The following SLC45A1 variants were observed in gnomAD, a reference collection of about 807,000 sequenced individuals.
SLC45A1 encodes solute carrier family 45 member 1.
A neutral mutation model predicts 57.6 loss-of-function variants in SLC45A1; 28 were observed. The ratio of observed to expected loss-of-function variants is 0.49; its 90% CI spans 0.36 to 0.67. The LOEUF (loss-of-function observed/expected upper bound fraction) is 0.67, where lower values mean the gene tolerates loss of function less well. Among genes scored for constraint, SLC45A1 ranks in the 30% least tolerant of loss-of-function variants. The pLI is 0.00. For synonymous variants in SLC45A1, 459 were observed against 471.5 expected, an observed-to-expected ratio of 0.97 and a Z score of 0.34; for missense variants, 814 against 1,041.5, an observed-to-expected ratio of 0.78 and a Z score of 3.01.
At position 8,330,471 on chromosome 1, in the gene SLC45A1, C is replaced by T; in HGVS notation, c.978C>T (p.Leu326=). 1 of 1,612,498 alleles carries T rather than the reference C, an allele frequency of 6.2e-7. No individual in the cohort carries two copies. The change falls in exon 5 of 9, where the codon CTC becomes CTT. Residue 326 remains leucine, a synonymous_variant. Transcript: ENST00000471889. The surrounding 1 kb of genome is among the most constrained non-coding windows in gnomAD (Gnocchi z 8.4). ...CAGAGGAAGGCCCTGGCGACAGCCT[C>T]CCGTCGCACACGGCCACCAACTTCT... is the stretch of plus-strand genomic sequence containing the variant. ...VLPEEGPGDS[L]PSHTATNFSS... is the part of the protein sequence containing the mutation.
chr1:8,321,091 T>G (rs796816516), intron 1 of SLC45A1, among the ~76,000 whole-genome samples: 14 of 152,314 alleles, frequency 9.2e-5, no homozygotes, highest in African/African-American at 3.4e-4. Context: ...CAGGGGATGC[T>G]AACTGCTGCT....
chr1:8,334,381 G>T (rs531364874), intron 5 of SLC45A1, among the ~76,000 whole-genome samples: 6 of 152,180 alleles, frequency 3.9e-5, no homozygotes, highest in Admixed American at 3.9e-4. Context: ...TATCCAGGGC[G>T]GACCGCACCA....
intron 5 of SLC45A1, 75 bp downstream of exon 5, chr1:8,331,011 G>C: frequency 6.7e-7 from 1 of 1,485,786 alleles, no homozygotes; most frequent in East Asian, 2.3e-5. Flanking sequence ...ACATGACAAA[G>C]AGGGAGAGTC....
intron 1 of SLC45A1, among the ~76,000 whole-genome samples, chr1:8,321,398 C>CCCATCTCTTAGCAAAAAAA (rs2124283091): frequency 6.6e-6 from 1 of 152,118 alleles, no homozygotes; most frequent in East Asian, 1.9e-4. Context: ...TGGAATAAAA[C>CCCATCTCTTAGCAAAAAAA]CCATCTCTTA....
chr1:8,324,334 T>TC lies in SLC45A1; in HGVS notation c.9dup (p.Ala4ArgfsTer68). ...CGCCCACCAGCCCTCCCCACGATGA[T>TC]CCCCGCAGCCAGCAGCACCCCGCCG... On this transcript the variant is annotated frameshift_variant, in exon 2 of 9. Transcript: ENST00000471889. LOFTEE classifies it high-confidence loss of function. 1 of 1,611,720 alleles carries TC rather than the reference T, an allele frequency of 6.2e-7. No homozygotes were observed. The highest frequency in any genetic ancestry group is 8.5e-7 in the Non-Finnish European group (1 of 1,179,420).
At chr1:8,338,533 C>T (rs1254354402) in intron 7 of SLC45A1, among the ~76,000 whole-genome samples, 1 of 152,230 alleles carries the variant, frequency 6.6e-6, no homozygotes, top group Admixed American at 6.5e-5. Flanking sequence ...TGGCCGGTAG[C>T]GTGCACCGGG....
rs1014083831 is a variant in SLC45A1, at chr1:8,343,572, G to A, written c.1981-175G>A. Among the ~76,000 whole-genome samples the A allele has an allele frequency of 1.3e-5, 2 of 152,138 alleles. No homozygotes were observed. The highest frequency in any genetic ancestry group is 2.9e-5 in the Non-Finnish European group (2 of 68,020). The stretch of plus-strand genomic sequence containing the variant: ...TTCTTTTCATTGTCGTCATCTCTCC[G>A]AACACAAATATTGTTAAACTCTTGG... On this transcript the variant is annotated intron_variant, in intron 8 of 8. Coordinates refer to ENST00000471889, the MANE Select transcript of SLC45A1 (RefSeq NM_001080397.3). This position sits in a 1 kb window ranked among gnomAD's most constrained non-coding sequence, Gnocchi z 7.7.
intron 1 of SLC45A1, among the ~76,000 whole-genome samples, chr1:8,322,251 A>G (rs112633445): frequency 0.12 from 1 of 8 alleles, no homozygotes; most frequent in African/African-American, 0.5. Context: ...GGATGGATGG[A>G]TGAGATGGAT....
At chr1:8,337,628 C>T (rs1367166191) in intron 6 of SLC45A1, among the ~76,000 whole-genome samples, 188 bp from the exon 7 acceptor site, 2 of 152,146 alleles carry the variant, frequency 1.3e-5, no homozygotes, top group African/African-American at 4.8e-5. Flanking sequence ...CCATGTTAGC[C>T]AGGATGGTCT....
intron 1 of SLC45A1, among the ~76,000 whole-genome samples, chr1:8,319,672 C>T (rs1024178407): frequency 1.3e-5 from 2 of 152,184 alleles, no homozygotes; most frequent in African/African-American, 4.8e-5. Flanking sequence ...TTAAATTCCA[C>T]TTTCACCCAT....
In SLC45A1 at chr1:8,330,700, A is replaced by G; in HGVS notation, c.1207A>G (p.Ser403Gly). The change falls in exon 5 of 9, where the codon AGC becomes GGC. Residue 403 changes from serine to glycine, a missense_variant. Coordinates refer to ENST00000471889, the MANE Select transcript of SLC45A1 (RefSeq NM_001080397.3). This position sits in a 1 kb window ranked among gnomAD's most constrained non-coding sequence, Gnocchi z 8.4. ...GSVPRPPISVSFPRAPDGFYR... is the reference protein window; with the variant it reads ...GSVPRPPISVGFPRAPDGFYR... ...CGTCCCCAGGCCGCCCATCAGCGTC[A>G]GCTTCCCCCGGGCCCCCGACGGCTT... 1 of 1,613,194 alleles carries G rather than the reference A, an allele frequency of 6.2e-7. No homozygotes were observed. Among genetic ancestry groups the G allele is most frequent in the South Asian group, 1.1e-5 (1 of 91,076 alleles).
intron 5 of SLC45A1, among the ~76,000 whole-genome samples, chr1:8,333,230 T>C (rs1170255698): frequency 6.6e-6 from 1 of 151,904 alleles, no homozygotes; most frequent in Non-Finnish European, 1.5e-5. Flanking sequence ...TTCATTTTCT[T>C]TTCCTTTCCT....
At position 8,329,678 on chromosome 1, in the gene SLC45A1, C is replaced by G. The variant is rs537611047; in HGVS notation, c.716-531C>G. Among the ~76,000 whole-genome samples the G allele has an allele frequency of 6.6e-5, 10 of 152,360 alleles. 1 individual carries two copies. In the South Asian group the frequency reaches 1.9e-3, roughly 28 times the overall value. ...CCGATCCCTGCTTTTCTGCTGTAGG[C>G]TGATAGCTCAGAGATCGGAGAGCTG... On this transcript the variant is annotated intron_variant, in intron 4 of 8. Transcript: ENST00000471889.
chr1:8,329,811 C>T (rs772232748), intron 4 of SLC45A1, among the ~76,000 whole-genome samples: 9 of 152,188 alleles, frequency 5.9e-5, no homozygotes, highest in African/African-American at 1.7e-4. Context: ...CACATGTGGT[C>T]GGCTGTGTGT....
intron 1 of SLC45A1, among the ~76,000 whole-genome samples, chr1:8,320,539 G>C (rs1250318653): frequency 6.6e-6 from 1 of 152,104 alleles, no homozygotes; most frequent in Admixed American, 6.6e-5. Flanking sequence ...AGCTATTTGG[G>C]AGGCTGAGGT....
At chr1:8,331,692 G>T (rs989553961) in intron 5 of SLC45A1, among the ~76,000 whole-genome samples, 25 of 152,138 alleles carry the variant, frequency 1.6e-4, no homozygotes, top group African/African-American at 5.8e-4. Flanking sequence ...TTGCATGTTA[G>T]TGAACAAGTT....
At position 8,339,686 on chromosome 1, in the gene SLC45A1, TC is replaced by T. The variant is rs1640749172; in HGVS notation, c.1969del (p.Gln657ArgfsTer24). On this transcript the variant is annotated frameshift_variant, in exon 8 of 9. Transcript: ENST00000471889. LOFTEE classifies it high-confidence loss of function. ...CTTACTCGCTGCTCTGCGATTACTA[TC>T]AGAGTAAGAAGGTAAGTGCTCTCCC... ...LPYSLLCDYY[Q>X]SKKFAGSSAD... 1 of 1,613,910 alleles carries T rather than the reference TC, an allele frequency of 6.2e-7. No individual in the cohort carries two copies. Among genetic ancestry groups the T allele is most frequent in the Non-Finnish European group, 8.5e-7 (1 of 1,179,872 alleles).
In SLC45A1 at chr1:8,330,788, G is replaced by A. The variant is rs1329274792; in HGVS notation, c.1295G>A (p.Gly432Glu). ...REGALTSGCD[G>E]DILRVGSLDT... is the part of the protein sequence containing the mutation. ...GGTGCCCTGACCTCCGGCTGTGACGGGGACATTCTGAGGGTGGGCTCCTTG... is the reference window on the plus strand; with the variant it reads ...GGTGCCCTGACCTCCGGCTGTGACGAGGACATTCTGAGGGTGGGCTCCTTG... The change falls in exon 5 of 9, where the codon GGG becomes GAG. Residue 432 changes from glycine (G) to glutamate (E), a missense_variant. By Grantham distance (98) the Gly-to-Glu change is moderately conservative (BLOSUM62 -2). Transcript: ENST00000471889. The surrounding 1 kb of genome is among the most constrained non-coding windows in gnomAD (Gnocchi z 8.4). 5.0e-6 allele frequency: 8 copies of A among 1,613,492 alleles called. No homozygotes were observed. Among genetic ancestry groups the A allele is most frequent in the Non-Finnish European group, 6.8e-6 (8 of 1,180,046 alleles).
intron 6 of SLC45A1, 23 bp from the exon 7 acceptor site, chr1:8,337,793 A>G: frequency 1.9e-6 from 3 of 1,608,784 alleles, no homozygotes; most frequent in Non-Finnish European, 2.5e-6. Flanking sequence ...CCCCGAGGTC[A>G]TGAACCTCTT....
Sources: gnomAD v4.1 joint callset for allele counts (sites outside exome capture counted in the v4.1 genomes callset) on GRCh38, gnomAD v4.1.1 for gene constraint, Gnocchi (gnomAD v3.1) non-coding constraint, MANE v1.5 for transcripts, NCBI Gene and HGNC (gene_info 2026-07-23, HGNC 2026-07-21) for gene names.